The following TTC39B variants were observed in gnomAD, a reference collection of about 807,000 sequenced individuals.
TTC39B encodes tetratricopeptide repeat domain 39B, also known as tetratricopeptide repeat protein 39B.
Under a neutral mutation model 96.6 loss-of-function variants are expected in TTC39B, and 92 were observed. That is an observed-to-expected ratio of 0.95 (90% confidence interval 0.80 to 1.13). TTC39B has a LOEUF of 1.13. Among genes scored for constraint, TTC39B ranks in the 50% most tolerant of loss-of-function variants. TTC39B has a pLI of 0.00. For missense variants in TTC39B, 955 were observed against 809.3 expected (o/e 1.18, Z -2.18); for synonymous variants, 367 against 299.4 (o/e 1.23, Z -2.33).
chr9:15,209,167 T>C (rs1056748655), intron 6 of TTC39B, among the ~76,000 whole-genome samples: 2 of 152,192 alleles, frequency 1.3e-5, no homozygotes, highest in African/African-American at 4.8e-5. Context: ...AAGGACTTTT[T>C]TTTTTCCTTC....
intron 2 of TTC39B, among the ~76,000 whole-genome samples, chr9:15,230,945 A>G (rs1250933909): frequency 1.3e-5 from 2 of 151,780 alleles, no homozygotes; most frequent in Non-Finnish European, 2.9e-5. Flanking sequence ...AGATTGTGCC[A>G]CTGCACTCCA....
At chr9:15,163,734 C>T (rs1817472343) in exon 20 of TTC39B, 1 of 152,152 alleles carries the variant, frequency 6.6e-6, no homozygotes, top group Non-Finnish European at 1.5e-5. Context: ...AAACCTGTAT[C>T]TAAATGCAGC....
At chr9:15,233,759 G>C (rs1043018340) in intron 2 of TTC39B, among the ~76,000 whole-genome samples, 1 of 152,190 alleles carries the variant, frequency 6.6e-6, no homozygotes, top group African/African-American at 2.4e-5. Context: ...CGAGATTGCA[G>C]CCTCTGCCCG....
intron 7 of TTC39B, 101 bp from the exon 8 acceptor site, chr9:15,200,026 AC>A (rs780431285): frequency 1.6e-6 from 1 of 617,294 alleles, no homozygotes; most frequent in Non-Finnish European, 2.7e-6. Context: ...AAACAAACAA[AC>A]AAAAAAAAGT....
intron 16 of TTC39B, among the ~76,000 whole-genome samples, chr9:15,182,890 G>A (rs1818320337): frequency 6.6e-6 from 1 of 152,162 alleles, no homozygotes; most frequent in Non-Finnish European, 1.5e-5. Flanking sequence ...TGACGGTCCA[G>A]TAATGTAATC....
At chr9:15,274,013 T>G (rs1372409347) in intron 1 of TTC39B, among the ~76,000 whole-genome samples, 1 of 152,178 alleles carries the variant, frequency 6.6e-6, no homozygotes, top group Non-Finnish European at 1.5e-5. Flanking sequence ...AGCATTATCA[T>G]AGTGACTGAC....
At chr9:15,177,705 A>G in exon 18 of TTC39B, 1 of 1,608,326 alleles carries the variant, frequency 6.2e-7, no homozygotes, top group Non-Finnish European at 8.5e-7. Context: ...ACCTTTCCAC[A>G]ACATGATTGT....
chr9:15,209,289 A>G (rs946989913), intron 6 of TTC39B, among the ~76,000 whole-genome samples: 1 of 152,204 alleles, frequency 6.6e-6, no homozygotes. Flanking sequence ...GGGCACGTCA[A>G]GCAATTGACA....
chr9:15,183,140 TTAAGA>T (rs1818332471), intron 16 of TTC39B, among the ~76,000 whole-genome samples: 1 of 152,084 alleles, frequency 6.6e-6, no homozygotes, highest in Admixed American at 6.6e-5. Flanking sequence ...GAAATAAATT[TTAAGA>T]TATGATAAAA....
intron 2 of TTC39B, among the ~76,000 whole-genome samples, chr9:15,233,522 G>C (rs1394083160): frequency 1.3e-5 from 2 of 150,120 alleles, no homozygotes; most frequent in Non-Finnish European, 3.0e-5. Flanking sequence ...CGCCTGACTG[G>C]TTTTCGTATT....
At chr9:15,215,296 G>T (rs536389499) in intron 3 of TTC39B, among the ~76,000 whole-genome samples, 68 of 152,124 alleles carry the variant, frequency 4.5e-4, no homozygotes, top group African/African-American at 1.6e-3. Flanking sequence ...GGCTCAAAGT[G>T]CCTGTAATCT....
At chr9:15,303,475 A>G (rs1361208786) in intron 1 of TTC39B, among the ~76,000 whole-genome samples, 2 of 151,136 alleles carry the variant, frequency 1.3e-5, no homozygotes, top group African/African-American at 2.4e-5. Context: ...GGCTCAAGTG[A>G]TCCTCCCACC....
At chr9:15,249,810 G>T in intron 2 of TTC39B, 2 of 891,980 alleles carry the variant, frequency 2.2e-6, no homozygotes, top group South Asian at 2.4e-5. Flanking sequence ...AAATTTAACT[G>T]GAGTTTAAAA....
chr9:15,179,846 C>A (rs1376418578), intron 17 of TTC39B, among the ~76,000 whole-genome samples: 1 of 152,108 alleles, frequency 6.6e-6, no homozygotes. Context: ...ACTTCTATGA[C>A]GAACTTGAGT....
chr9:15,305,314 C>G (rs891345585), intron 1 of TTC39B, among the ~76,000 whole-genome samples: 1 of 152,190 alleles, frequency 6.6e-6, no homozygotes, highest in Non-Finnish European at 1.5e-5. Flanking sequence ...CTCTAAGGCA[C>G]CTACCAAGTT....
chr9:15,189,859 A>G, intron 11 of TTC39B, 67 bp from the exon 12 acceptor site: 4 of 1,096,222 alleles, frequency 3.6e-6, no homozygotes, highest in Non-Finnish European at 5.5e-6. Flanking sequence ...CAGCTCTCCA[A>G]ATTTCATTAA....
At chr9:15,231,342 A>G (rs1215013539) in intron 2 of TTC39B, among the ~76,000 whole-genome samples, 3 of 152,118 alleles carry the variant, frequency 2.0e-5, no homozygotes, top group Non-Finnish European at 4.4e-5. Flanking sequence ...CCCACCAATA[A>G]TGTACTAGAT....
chr9:15,226,070 T>A (rs1354998528), intron 2 of TTC39B, 58 bp from the exon 3 acceptor site: 45 of 1,451,814 alleles, frequency 3.1e-5, no homozygotes, highest in Non-Finnish European at 4.2e-5. Flanking sequence ...GAGAAAAGTC[T>A]ACACCAGTGC....
chr9:15,200,172 T>G (rs563302), intron 7 of TTC39B, among the ~76,000 whole-genome samples: 3,543 of 152,316 alleles, frequency 0.023, 157 homozygotes, highest in African/African-American at 0.08. Flanking sequence ...TTTATATTAC[T>G]AAGGAGGTAA....
Sources: allele counts gnomAD v4.1 joint callset (sites outside exome capture counted in the v4.1 genomes callset), GRCh38; gene constraint gnomAD v4.1.1; transcripts MANE v1.5; gene names NCBI Gene and HGNC (gene_info 2026-07-23, HGNC 2026-07-21).